Variants in NOX4 observed in about 807,000 individuals in gnomAD.
NOX4 encodes the protein NADPH oxidase 4.
Under a neutral mutation model 87.6 loss-of-function variants are expected in NOX4, and 69 were observed. That is an observed-to-expected ratio of 0.79 (90% CI 0.65 to 0.96). The LOEUF (loss-of-function observed/expected upper bound fraction) is 0.96, where lower values mean the gene tolerates loss of function less well. Ranked by LOEUF, NOX4 falls within the 40% of genes least tolerant of loss-of-function variation. The probability of loss-of-function intolerance (pLI) is 0.00; values close to 1 mark genes in which losing one functional copy is unlikely to be tolerated. For synonymous variants in NOX4, 275 were observed against 238.2 expected (o/e 1.15, Z -1.42); for missense variants, 680 against 681.5 (o/e 1.00, Z 0.02).
At chr11:89,511,654 A>G in the NOX4 span, among the ~76,000 whole-genome samples, 2 of 151,966 alleles carry the variant, frequency 1.3e-5, no homozygotes, top group Admixed American at 6.6e-5. Context: ...ATAATATCAG[A>G]TTTGGCCAAC....
chr11:89,549,984 AATGATTTATAAT>A, the NOX4 span, among the ~76,000 whole-genome samples: 2 of 152,232 alleles, frequency 1.3e-5, no homozygotes, highest in East Asian at 3.9e-4. Context: ...TTTTTAGTAG[AATGATTTATAAT>A]CCTTTGGGTA....
upstream of NOX4, chr11:89,499,302 C>A (rs924244285): frequency 6.6e-6 from 1 of 152,000 alleles, no homozygotes; most frequent in Non-Finnish European, 1.5e-5. Context: ...TTACATAAAT[C>A]CTGGCACATA....
chr11:89,415,685 A>G (rs2135241610), intron 8 of NOX4, among the ~76,000 whole-genome samples: 1 of 152,258 alleles, frequency 6.6e-6, no homozygotes, highest in African/African-American at 2.4e-5. Flanking sequence ...TTATGGAGCC[A>G]TGTTAAAAAC....
chr11:89,472,173 C>A (rs1018014021), intron 2 of NOX4, among the ~76,000 whole-genome samples: 2 of 152,052 alleles, frequency 1.3e-5, no homozygotes, highest in African/African-American at 4.8e-5. Context: ...AAAAAAAATT[C>A]TGAAAATAAA....
intron 6 of NOX4, among the ~76,000 whole-genome samples, chr11:89,438,995 TATA>T (rs1344326284): frequency 1.1e-4 from 12 of 106,292 alleles, no homozygotes; most frequent in South Asian, 2.8e-4. Flanking sequence ...ATATTATTAA[TATA>T]ATATTAGTAA....
chr11:89,419,085 C>T (rs891182686), intron 8 of NOX4, among the ~76,000 whole-genome samples: 1 of 151,980 alleles, frequency 6.6e-6, no homozygotes, highest in Non-Finnish European at 1.5e-5. Flanking sequence ...CTAGCTTTTC[C>T]AATTGATTTT....
intron 16 of NOX4, among the ~76,000 whole-genome samples, 181 bp downstream of exon 16, chr11:89,337,266 G>T (rs1945757260): frequency 6.6e-6 from 1 of 152,002 alleles, no homozygotes; most frequent in Non-Finnish European, 1.5e-5. Flanking sequence ...AGGACAAATG[G>T]AAGGCATAAT....
At chr11:89,337,837 A>G (rs542046073) in intron 15 of NOX4, among the ~76,000 whole-genome samples, 2 of 152,138 alleles carry the variant, frequency 1.3e-5, no homozygotes, top group Admixed American at 6.6e-5. Flanking sequence ...TCCTTATTTT[A>G]TTCCTTAAGA....
chr11:89,513,319 T>TA, the NOX4 span, among the ~76,000 whole-genome samples: 1,052 of 142,004 alleles, frequency 7.4e-3, 14 homozygotes, highest in African/African-American at 0.024. Flanking sequence ...AAACTCCGTC[T>TA]AAAAAAAAAA....
upstream of NOX4, among the ~76,000 whole-genome samples, chr11:89,502,266 C>T (rs914163785): frequency 7.9e-5 from 12 of 151,990 alleles, no homozygotes; most frequent in African/African-American, 2.4e-4. Flanking sequence ...CGAGTCTTAT[C>T]GGAACACAGA....
chr11:89,402,375 A>G lies in NOX4; in HGVS notation c.797T>C (p.Phe266Ser). ...SKPAEFTQHK[F>S]VKICMEEPRF... The stretch of plus-strand genomic sequence containing the variant: ...GGGCTCTTCCATACAAATCTTCACA[A>G]ATTTGTGCTGGGTAAACTCTGCCGG... The change falls in exon 9 of 18, where the codon TTT becomes TCT. Residue 266 changes from phenylalanine (F) to serine (S), a missense_variant. By Grantham distance (155) the Phe-to-Ser change is radical. Transcript: ENST00000263317. The G allele has an allele frequency of 6.2e-7, 1 of 1,613,408 alleles. No homozygotes were observed. The highest frequency in any genetic ancestry group is 8.5e-7 in the Non-Finnish European group (1 of 1,179,680).
In NOX4 at chr11:89,363,640, C is replaced by T. The variant is rs1938706370; in HGVS notation, c.1136-8597G>A. Among the ~76,000 whole-genome samples the T allele has an allele frequency of 2.0e-5, 3 of 152,080 alleles. 1 individual carries two copies. In the South Asian group the frequency reaches 6.2e-4, roughly 32 times the overall value. On this transcript the variant is annotated intron_variant, in intron 12 of 17. Transcript: ENST00000263317. ...TTTGTCAAAATTTGGTATTTATTTT[C>T]CTTAGAAGTATGCATATTAATCTTA...
intron 13 of NOX4, among the ~76,000 whole-genome samples, chr11:89,350,798 G>A (rs544767553): frequency 3.3e-5 from 5 of 152,124 alleles, no homozygotes; most frequent in Non-Finnish European, 7.4e-5. Context: ...ATGAATAAAT[G>A]TGTGTGTTCT....
At chr11:89,557,871 CTT>C in the NOX4 span, among the ~76,000 whole-genome samples, 15 of 152,214 alleles carry the variant, frequency 9.9e-5, no homozygotes, top group East Asian at 2.5e-3. Flanking sequence ...GTTGAACTAA[CTT>C]GTCTCCAAGG....
chr11:89,566,048 T>C, the NOX4 span, among the ~76,000 whole-genome samples: 10 of 149,434 alleles, frequency 6.7e-5, no homozygotes, highest in African/African-American at 1.2e-4. Flanking sequence ...TTTTTCTTTT[T>C]TTTTTTTTTT....
chr11:89,554,001 A>C, the NOX4 span, among the ~76,000 whole-genome samples: 1 of 151,674 alleles, frequency 6.6e-6, no homozygotes. Flanking sequence ...TGATGTTTAC[A>C]TTTCAAAGAG....
chr11:89,423,607 G>C (rs1591191001), intron 7 of NOX4, among the ~76,000 whole-genome samples: 5 of 152,144 alleles, frequency 3.3e-5, no homozygotes, highest in Admixed American at 3.3e-4. Context: ...TTAATGTTTA[G>C]TAAGGCACAT....
chr11:89,457,224 A>G (rs1294565450), intron 2 of NOX4, among the ~76,000 whole-genome samples: 1 of 152,174 alleles, frequency 6.6e-6, no homozygotes, highest in Non-Finnish European at 1.5e-5. Flanking sequence ...CCACTGTGTC[A>G]CCACAGATGA....
chr11:89,354,867 C>G (rs976394796), intron 13 of NOX4, 95 bp downstream of exon 13: 1 of 663,264 alleles, frequency 1.5e-6, no homozygotes, highest in African/African-American at 1.9e-5. Context: ...TTTCAGAAAT[C>G]TTAAGAAAGA....
Sources: allele counts gnomAD v4.1 joint callset (sites outside exome capture counted in the v4.1 genomes callset), GRCh38; gene constraint gnomAD v4.1.1; transcripts MANE v1.5; gene names NCBI Gene and HGNC (gene_info 2026-07-23, HGNC 2026-07-21).